Variants in NEBL observed in about 807,000 individuals in gnomAD.
The protein encoded by NEBL is LIM and SH3 protein 2.
NEBL carries 122 observed loss-of-function variants against 140.2 expected under a neutral mutation model. The ratio of observed to expected loss-of-function variants is 0.87; its 90% CI spans 0.75 to 1.01. The LOEUF (loss-of-function observed/expected upper bound fraction) is 1.01. Among genes scored for constraint, NEBL ranks in the 50% least tolerant of loss-of-function variants. The pLI, the probability that NEBL is intolerant of heterozygous loss-of-function variation, is 0.00. For synonymous variants in NEBL, 436 were observed against 398.9 expected (o/e 1.09, Z -1.11); for missense variants, 1,365 against 1,231.3 (o/e 1.11, Z -1.62).
intron 3 of NEBL, among the ~76,000 whole-genome samples, chr10:20,966,690 A>G (rs973016996): frequency 1.4e-4 from 21 of 152,308 alleles, no homozygotes; most frequent in Non-Finnish European, 2.8e-4. Context: ...ACTAAAAAGG[A>G]AGACTTCTGA....
intron 3 of NEBL, among the ~76,000 whole-genome samples, chr10:21,240,915 C>CAG (rs1314581070): frequency 1.3e-5 from 2 of 149,158 alleles, no homozygotes; most frequent in Non-Finnish European, 3.0e-5. Context: ...CATACACACA[C>CAG]ACACACACAC....
chr10:21,030,170 C>A, intron 2 of NEBL: 1 of 483,748 alleles, frequency 2.1e-6, no homozygotes, highest in Non-Finnish European at 4.0e-6. Flanking sequence ...AGATAAGTTG[C>A]AGCATCAGCT....
chr10:21,155,667 C>T (rs1840310533), intron 2 of NEBL, among the ~76,000 whole-genome samples: 1 of 152,224 alleles, frequency 6.6e-6, no homozygotes, highest in African/African-American at 2.4e-5. Context: ...CTGGTAATCA[C>T]TGCATTGCTA....
At chr10:21,163,970 T>C (rs73609212) in intron 2 of NEBL, among the ~76,000 whole-genome samples, 7,588 of 152,290 alleles carry the variant, frequency 0.05, 447 homozygotes, top group African/African-American at 0.15. Flanking sequence ...TCATTGCCAC[T>C]TAAACCTGGT....
chr10:21,014,780 A>G (rs1838488182), intron 3 of NEBL, among the ~76,000 whole-genome samples: 1 of 152,160 alleles, frequency 6.6e-6, no homozygotes, highest in Non-Finnish European at 1.5e-5. Flanking sequence ...TTTATACTAA[A>G]CACGTGCCTT....
chr10:21,094,063 TA>T (rs1262051536), intron 2 of NEBL, among the ~76,000 whole-genome samples: 1 of 152,164 alleles, frequency 6.6e-6, no homozygotes, highest in Non-Finnish European at 1.5e-5. Flanking sequence ...CTTAAGAGTC[TA>T]AAAAAGACCG....
intron 2 of NEBL, among the ~76,000 whole-genome samples, chr10:21,078,549 A>G (rs1836210202): frequency 6.6e-6 from 1 of 152,200 alleles, no homozygotes; most frequent in South Asian, 2.1e-4. Context: ...TTGAATCCCA[A>G]CACACACAGC....
At chr10:21,025,797 A>G (rs1472255582) in intron 2 of NEBL, among the ~76,000 whole-genome samples, 1 of 152,182 alleles carries the variant, frequency 6.6e-6, no homozygotes, top group East Asian at 1.9e-4. Context: ...CATCTATAAG[A>G]AAAACATAAG....
intron 2 of NEBL, among the ~76,000 whole-genome samples, chr10:21,048,376 G>T (rs962553510): frequency 2.0e-5 from 3 of 147,540 alleles, no homozygotes; most frequent in African/African-American, 7.5e-5. Flanking sequence ...GCTTCTGATG[G>T]TTGCCACTCA....
chr10:20,792,509 T>C (rs1836097121), intron 26 of NEBL, among the ~76,000 whole-genome samples: 1 of 152,176 alleles, frequency 6.6e-6, no homozygotes, highest in Admixed American at 6.5e-5. Flanking sequence ...AGTTAAATCC[T>C]GTCTAGTCCT....
At chr10:21,127,385 A>C (rs1290766483) in intron 2 of NEBL, among the ~76,000 whole-genome samples, 1 of 152,188 alleles carries the variant, frequency 6.6e-6, no homozygotes, top group Non-Finnish European at 1.5e-5. Flanking sequence ...CCATTGCAAA[A>C]ACCATTACTT....
chr10:21,002,763 G>T (rs1482922803), intron 3 of NEBL, among the ~76,000 whole-genome samples: 1 of 152,032 alleles, frequency 6.6e-6, no homozygotes, highest in Non-Finnish European at 1.5e-5. Flanking sequence ...TTACCATCAC[G>T]AGAACAACAA....
intron 3 of NEBL, among the ~76,000 whole-genome samples, chr10:20,979,539 A>T (rs1400097672): frequency 6.6e-6 from 1 of 152,226 alleles, no homozygotes; most frequent in Non-Finnish European, 1.5e-5. Flanking sequence ...CTTCAAGAAA[A>T]CATGCCACAT....
At chr10:21,229,175 C>A (rs541135801) in intron 3 of NEBL, among the ~76,000 whole-genome samples, 1 of 152,164 alleles carries the variant, frequency 6.6e-6, no homozygotes, top group Non-Finnish European at 1.5e-5. Flanking sequence ...AATCCCAGCA[C>A]TTTGGGAGGC....
upstream of NEBL, chr10:21,174,475 T>A (rs150803707): frequency 1.3e-5 from 2 of 152,366 alleles, no homozygotes; most frequent in African/African-American, 4.8e-5. Context: ...CCTCTTCTCT[T>A]CCCCAGCCGG....
intron 2 of NEBL, among the ~76,000 whole-genome samples, chr10:21,071,587 C>T (rs920773146): frequency 1.3e-5 from 2 of 152,150 alleles, no homozygotes; most frequent in African/African-American, 4.8e-5. Flanking sequence ...TAACTCAGCC[C>T]TCAGAGACTC....
intron 1 of NEBL, among the ~76,000 whole-genome samples, chr10:21,280,866 C>T (rs898329396): frequency 1.2e-4 from 18 of 152,146 alleles, no homozygotes; most frequent in African/African-American, 4.3e-4. Flanking sequence ...CTGCCCACAT[C>T]GTCTTCCCAA....
rs544530411 is a variant in NEBL, at chr10:20,876,324, C to T, written c.480+4470G>A. 6.6e-5 allele frequency among the ~76,000 whole-genome samples: 10 copies of T among 152,170 alleles called. No homozygotes were observed. In the South Asian group the frequency reaches 1.9e-3, roughly 28 times the overall value. On this transcript the variant is annotated intron_variant, in intron 5 of 27. Transcript: ENST00000377122. The stretch of plus-strand genomic sequence containing the variant: ...TATTCATGATTTAATTTTATCACCA[C>T]CATATTGTGTAGAAGGCAGAATAAG...
At chr10:20,976,792 C>T (rs1306492183) in intron 3 of NEBL, among the ~76,000 whole-genome samples, 2 of 151,740 alleles carry the variant, frequency 1.3e-5, no homozygotes, top group African/African-American at 4.8e-5. Context: ...GGGAGGGAGG[C>T]AGGGGTTGAA....
Sources: gnomAD v4.1 joint callset for allele counts (sites outside exome capture counted in the v4.1 genomes callset) on GRCh38, gnomAD v4.1.1 for gene constraint, MANE v1.5 for transcripts, NCBI Gene and HGNC (gene_info 2026-07-23, HGNC 2026-07-21) for gene names.